Variants in OSBPL1A observed in about 807,000 individuals in gnomAD.
OSBPL1A encodes the protein oxysterol-binding protein-related protein 1.
Under a neutral mutation model 137.1 loss-of-function variants are expected in OSBPL1A, and 80 were observed. The observed-to-expected ratio is 0.58, with a 90% CI of 0.49 to 0.70. The LOEUF is 0.70. OSBPL1A is among the 30% of genes least tolerant of loss of function. The pLI is 0.00. For synonymous variants in OSBPL1A, 365 were observed against 389.7 expected (o/e 0.94, Z 0.75); for missense variants, 970 against 1,129.4 (o/e 0.86, Z 2.02).
At position 24,185,251 on chromosome 18, in the gene OSBPL1A, G is replaced by A. The variant is rs186832367; in HGVS notation, c.1678-3972C>T. ...TGGATACATGTCATTACATGAACAC[G>A]GAACACCAAGAGTGAGCCCTAGTAT... On this transcript the variant is annotated intron_variant, in intron 18 of 27. Transcript: ENST00000319481. 6.0e-3 allele frequency among the ~76,000 whole-genome samples: 906 copies of A among 152,196 alleles called. 37 individuals are homozygous for A. The highest frequency in any genetic ancestry group is 0.055 in the Admixed American group (842 of 15,282).
intron 9 of OSBPL1A, 56 bp downstream of exon 9, chr18:24,318,545 G>T (rs947889180): frequency 7.2e-7 from 1 of 1,393,876 alleles, no homozygotes; most frequent in Non-Finnish European, 1.0e-6. Flanking sequence ...AACAGAAATA[G>T]AGCACCTGAG....
intron 15 of OSBPL1A, among the ~76,000 whole-genome samples, chr18:24,278,264 T>C (rs2089888455): frequency 6.6e-6 from 1 of 152,178 alleles, no homozygotes; most frequent in Non-Finnish European, 1.5e-5. Flanking sequence ...CCAATGATAG[T>C]GGTCAAATAA....
At chr18:24,354,358 C>T (rs961248140) in intron 4 of OSBPL1A, among the ~76,000 whole-genome samples, 6 of 152,130 alleles carry the variant, frequency 3.9e-5, no homozygotes, top group Non-Finnish European at 7.3e-5. Flanking sequence ...CAGAAGCCAA[C>T]GTGTGGAGAG....
intron 14 of OSBPL1A, among the ~76,000 whole-genome samples, chr18:24,287,697 A>G (rs2090091454): frequency 6.6e-6 from 1 of 151,910 alleles, no homozygotes; most frequent in African/African-American, 2.4e-5. Context: ...CGCTTGAACC[A>G]GGAGGCAGAG....
At chr18:24,397,589 G>GGCGGGAACCCGTCAGC (rs1474485871) in intron 1 of OSBPL1A, 66 bp downstream of exon 1, 1 of 152,230 alleles carries the variant, frequency 6.6e-6, no homozygotes, top group African/African-American at 2.4e-5. Context: ...AGCGCAGCCC[G>GGCGGGAACCCGTCAGC]GCGGGAACCC....
intron 7 of OSBPL1A, among the ~76,000 whole-genome samples, chr18:24,329,547 C>CAAA (rs369613715): frequency 3.2e-5 from 2 of 63,466 alleles, no homozygotes; most frequent in African/African-American, 5.8e-5. Flanking sequence ...GAAACTCTGT[C>CAAA]AAAAAAAAAA....
At chr18:24,272,229 C>T (rs2089741422) in intron 15 of OSBPL1A, 2 of 983,450 alleles carry the variant, frequency 2.0e-6, no homozygotes, top group Non-Finnish European at 2.4e-6. Context: ...GACACCGGCC[C>T]TGGCAACTTT....
intron 1 of OSBPL1A, among the ~76,000 whole-genome samples, chr18:24,394,766 A>G (rs1324547900): frequency 5.3e-5 from 8 of 152,238 alleles, no homozygotes; most frequent in Admixed American, 3.3e-4. Flanking sequence ...AACACAAAGT[A>G]AAAACATGTG....
chr18:24,175,675 G>C (rs1466296677), intron 21 of OSBPL1A, among the ~76,000 whole-genome samples: 1 of 151,784 alleles, frequency 6.6e-6, no homozygotes, highest in African/African-American at 2.4e-5. Context: ...GTCTTTTATG[G>C]GTTATAATTT....
chr18:24,262,411 G>A (rs530065711), intron 15 of OSBPL1A, among the ~76,000 whole-genome samples: 5 of 150,522 alleles, frequency 3.3e-5, no homozygotes, highest in Non-Finnish European at 5.9e-5. Context: ...TTTGAGATAC[G>A]CCACCAGAGG....
intron 1 of OSBPL1A, among the ~76,000 whole-genome samples, chr18:24,386,410 C>T (rs548118239): frequency 6.6e-6 from 1 of 152,308 alleles, no homozygotes; most frequent in African/African-American, 2.4e-5. Context: ...CAATCTGACA[C>T]TACATGTTCA....
intron 17 of OSBPL1A, among the ~76,000 whole-genome samples, chr18:24,206,797 C>A (rs534110453): frequency 6.6e-6 from 1 of 152,272 alleles, no homozygotes; most frequent in African/African-American, 2.4e-5. Context: ...TTGGCTAGTT[C>A]CGTGCTCAGC....
chr18:24,295,830 C>G (rs904636759), intron 14 of OSBPL1A, among the ~76,000 whole-genome samples: 1 of 149,426 alleles, frequency 6.7e-6, no homozygotes, highest in African/African-American at 2.4e-5. Context: ...TTTCTGGGTT[C>G]TCTATTCTGT....
At chr18:24,335,282 A>G (rs373731084) in intron 5 of OSBPL1A, among the ~76,000 whole-genome samples, 6 of 152,140 alleles carry the variant, frequency 3.9e-5, no homozygotes, top group African/African-American at 1.4e-4. Flanking sequence ...CTCATTAACT[A>G]CTCTGAGGTA....
At chr18:24,266,101 C>T (rs866217983) in intron 15 of OSBPL1A, among the ~76,000 whole-genome samples, 3 of 152,192 alleles carry the variant, frequency 2.0e-5, no homozygotes, top group South Asian at 2.1e-4. Flanking sequence ...GACAAAAGAA[C>T]GTGAGCCTTG....
intron 16 of OSBPL1A, among the ~76,000 whole-genome samples, chr18:24,234,617 T>A (rs532047731): frequency 6.6e-6 from 1 of 152,216 alleles, no homozygotes; most frequent in African/African-American, 2.4e-5. Context: ...TAGATTTCCA[T>A]TGATCTTGCT....
intron 17 of OSBPL1A, among the ~76,000 whole-genome samples, chr18:24,223,075 C>A (rs1225570954): frequency 1.3e-5 from 2 of 152,000 alleles, no homozygotes; most frequent in East Asian, 3.9e-4. Context: ...TCAGGCTGAT[C>A]CCCCAGGTCA....
chr18:24,292,467 G>A (rs983566192), intron 14 of OSBPL1A, among the ~76,000 whole-genome samples: 1 of 152,078 alleles, frequency 6.6e-6, no homozygotes, highest in Non-Finnish European at 1.5e-5. Context: ...GAGATATAAG[G>A]TATAAATTTA....
chr18:24,233,688 G>A (rs1393271457), intron 16 of OSBPL1A, among the ~76,000 whole-genome samples: 1 of 151,606 alleles, frequency 6.6e-6, no homozygotes, highest in East Asian at 1.9e-4. Context: ...TCGCTCTGTT[G>A]CCCAGGATGG....
Sources: gnomAD v4.1 joint callset for allele counts (sites outside exome capture counted in the v4.1 genomes callset) on GRCh38, gnomAD v4.1.1 for gene constraint, MANE v1.5 for transcripts, NCBI Gene and HGNC (gene_info 2026-07-23, HGNC 2026-07-21) for gene names.